The following TMEM178B variants were observed in gnomAD, a reference collection of about 807,000 sequenced individuals.
TMEM178B encodes the protein transmembrane protein 178B.
TMEM178B carries 5 observed loss-of-function variants against 31.0 expected under a neutral mutation model. The ratio of observed to expected loss-of-function variants is 0.16; its 90% CI spans 0.08 to 0.34. The LOEUF (loss-of-function observed/expected upper bound fraction) is 0.34. Ranked by LOEUF, TMEM178B falls within the 10% of genes least tolerant of loss-of-function variation. TMEM178B has a pLI of 1.00. For missense variants in TMEM178B, 275 were observed against 400.3 expected, an observed-to-expected ratio of 0.69 and a Z score of 2.67; for synonymous variants, 164 against 164.0, an observed-to-expected ratio of 1.00 and a Z score of 0.00.
At chr7:141,236,669 G>A (rs1361753345) in intron 2 of TMEM178B, among the ~76,000 whole-genome samples, 1 of 152,202 alleles carries the variant, frequency 6.6e-6, no homozygotes, top group Non-Finnish European at 1.5e-5. Flanking sequence ...GAGAGAAGCC[G>A]ATTAGAAATG....
chr7:141,353,313 T>C (rs1799766404), intron 2 of TMEM178B, among the ~76,000 whole-genome samples: 1 of 152,148 alleles, frequency 6.6e-6, no homozygotes, highest in Non-Finnish European at 1.5e-5. Flanking sequence ...GCCTAAAGGT[T>C]CACAGCTAAG....
chr7:141,345,251 A>G (rs114409170), intron 2 of TMEM178B, among the ~76,000 whole-genome samples: 1,831 of 152,334 alleles, frequency 0.012, 47 homozygotes, highest in African/African-American at 0.041. Flanking sequence ...AGTCAGCAAC[A>G]GGTTAATTGT....
At position 141,438,696 on chromosome 7, in the gene TMEM178B, T is replaced by TAAAAAAAAAAAAAAA. The variant is rs869132131; in HGVS notation, c.634+967_634+981dup. ...CAGCTTGGTAAAACCCCGTCTCTAC[T>TAAAAAAAAAAAAAAA]AAAAAAAAAAAAAAAAAAAAAAAAA... On this transcript the variant is annotated intron_variant, in intron 3 of 3. Coordinates refer to ENST00000565468, the MANE Select transcript of TMEM178B (RefSeq NM_001195278.2). 3.1e-4 allele frequency among the ~76,000 whole-genome samples: 9 copies of TAAAAAAAAAAAAAAA among 29,004 alleles called. 3 individuals carry two copies. Among genetic ancestry groups the TAAAAAAAAAAAAAAA allele is most frequent in the Non-Finnish European group, 3.9e-4 (5 of 12,764 alleles). 19.0% of individuals were successfully genotyped at this position (29,004 alleles called of 152,430 possible).
intron 1 of TMEM178B, among the ~76,000 whole-genome samples, chr7:141,102,857 G>A (rs1034954309): frequency 1.3e-5 from 2 of 152,180 alleles, no homozygotes; most frequent in African/African-American, 4.8e-5. Flanking sequence ...TGTGAGGCAG[G>A]CAGGGTAGCT....
In TMEM178B at chr7:141,379,943, GA is replaced by G; in HGVS notation, c.497-57664del. On this transcript the variant is annotated intron_variant, in intron 2 of 3. Transcript: ENST00000565468. ...CTACCAGAAAATCCTTTTACCTTTA[GA>G]GGCTTTGGAAATGAATGTAAATTTA... Among the ~76,000 whole-genome samples the G allele has an allele frequency of 1.3e-5, 2 of 152,242 alleles. 1 individual carries two copies. Among genetic ancestry groups the G allele is most frequent in the South Asian group, 4.1e-4 (2 of 4,820 alleles).
chr7:141,358,414 C>T (rs1383052876), intron 2 of TMEM178B, among the ~76,000 whole-genome samples: 1 of 152,114 alleles, frequency 6.6e-6, no homozygotes, highest in Non-Finnish European at 1.5e-5. Context: ...TATGTCTTTT[C>T]CCCTCAACAT....
chr7:141,168,999 C>G (rs1387774432), intron 1 of TMEM178B, among the ~76,000 whole-genome samples: 1 of 152,188 alleles, frequency 6.6e-6, no homozygotes, highest in Non-Finnish European at 1.5e-5. Flanking sequence ...AAATCCATTC[C>G]TCTGATCTCC....
chr7:141,255,599 T>C (rs1383122107), intron 2 of TMEM178B, among the ~76,000 whole-genome samples: 1 of 152,116 alleles, frequency 6.6e-6, no homozygotes, highest in African/African-American at 2.4e-5. Context: ...AATAGAGTTA[T>C]AAAAATTAAG....
At chr7:141,319,947 G>A (rs1799070314) in intron 2 of TMEM178B, among the ~76,000 whole-genome samples, 1 of 152,090 alleles carries the variant, frequency 6.6e-6, no homozygotes, top group African/African-American at 2.4e-5. Flanking sequence ...GATATGATAT[G>A]GTTTGGCTCT....
At chr7:141,143,493 T>G (rs1449100249) in intron 1 of TMEM178B, among the ~76,000 whole-genome samples, 1 of 152,232 alleles carries the variant, frequency 6.6e-6, no homozygotes, top group Non-Finnish European at 1.5e-5. Flanking sequence ...CCATTGCTTA[T>G]TTTTGTTGAC....
chr7:141,321,288 C>T (rs1799093969), intron 2 of TMEM178B, among the ~76,000 whole-genome samples: 1 of 152,202 alleles, frequency 6.6e-6, no homozygotes. Context: ...GGCATACCTT[C>T]CCAAGATGCC....
the TMEM178B span, among the ~76,000 whole-genome samples, chr7:141,506,648 T>A: frequency 6.6e-6 from 1 of 152,128 alleles, no homozygotes; most frequent in Non-Finnish European, 1.5e-5. Context: ...AGCCAAACCA[T>A]ACCATTCCTC....
chr7:141,157,310 C>G (rs925699204), intron 1 of TMEM178B, among the ~76,000 whole-genome samples: 1 of 152,114 alleles, frequency 6.6e-6, no homozygotes, highest in Non-Finnish European at 1.5e-5. Context: ...GGACCACACC[C>G]TTCCTCCTCT....
chr7:141,210,254 C>G (rs1342934365), intron 1 of TMEM178B, among the ~76,000 whole-genome samples: 9 of 152,140 alleles, frequency 5.9e-5, no homozygotes, highest in African/African-American at 1.9e-4. Flanking sequence ...CACCTGAGGT[C>G]GGGAGTTCAA....
At chr7:141,334,224 T>G (rs1799345450) in intron 2 of TMEM178B, among the ~76,000 whole-genome samples, 1 of 152,218 alleles carries the variant, frequency 6.6e-6, no homozygotes, top group South Asian at 2.1e-4. Context: ...GTATAGGGTT[T>G]TGGTCAGACC....
intron 2 of TMEM178B, among the ~76,000 whole-genome samples, chr7:141,301,870 C>T (rs80246985): frequency 0.01 from 1,562 of 152,278 alleles, 25 homozygotes; most frequent in African/African-American, 0.034. Flanking sequence ...ATGGAAATGA[C>T]GCAGTGAGCA....
At chr7:141,094,635 AAG>A (rs758650256) in intron 1 of TMEM178B, among the ~76,000 whole-genome samples, 11 of 152,214 alleles carry the variant, frequency 7.2e-5, no homozygotes, top group Non-Finnish European at 1.6e-4. Flanking sequence ...CATTTTTTAA[AAG>A]AGAGGACAGT....
At chr7:141,135,136 G>T (rs1373420838) in intron 1 of TMEM178B, among the ~76,000 whole-genome samples, 5 of 152,130 alleles carry the variant, frequency 3.3e-5, no homozygotes, top group African/African-American at 1.2e-4. Flanking sequence ...GACAAAGAAG[G>T]TCATTATATA....
intron 2 of TMEM178B, among the ~76,000 whole-genome samples, chr7:141,369,577 C>T (rs1473102539): frequency 6.6e-6 from 1 of 152,094 alleles, no homozygotes; most frequent in Non-Finnish European, 1.5e-5. Flanking sequence ...TTTGCTTTTT[C>T]CCTGAGCAAG....
Sources: allele counts gnomAD v4.1 joint callset (sites outside exome capture counted in the v4.1 genomes callset), GRCh38; gene constraint gnomAD v4.1.1; transcripts MANE v1.5; gene names NCBI Gene and HGNC (gene_info 2026-07-23, HGNC 2026-07-21).